TMEM132C: variants seen among roughly 807,000 people sequenced by gnomAD.
TMEM132C encodes the protein transmembrane protein 132C.
TMEM132C carries 29 observed loss-of-function variants against 61.4 expected under a neutral mutation model. The observed-to-expected ratio is 0.47, with a 90% CI of 0.35 to 0.64. The LOEUF (loss-of-function observed/expected upper bound fraction) is 0.64. Among genes scored for constraint, TMEM132C ranks in the 30% least tolerant of loss-of-function variants. The pLI is 0.00. For missense variants in TMEM132C, 1,408 were observed against 1,476.9 expected, an observed-to-expected ratio of 0.95 and a Z score of 0.76; for synonymous variants, 656 against 633.1, an observed-to-expected ratio of 1.04 and a Z score of -0.54.
At chr12:128,445,630 C>T (rs907498676) in intron 2 of TMEM132C, among the ~76,000 whole-genome samples, 1 of 152,170 alleles carries the variant, frequency 6.6e-6, no homozygotes, top group African/African-American at 2.4e-5. Flanking sequence ...GCTGAGCACC[C>T]AGGCGGCTGC....
rs186858404 is a variant in TMEM132C at position 128,290,709 on chromosome 12, A to G, written c.85+23222A>G. On this transcript the variant is annotated intron_variant, in intron 1 of 8. Transcript: ENST00000435159. ...ACTTTAAACATATATGCCCTTTCCA[A>G]ATAAACATAAAAATCCAGAGATTTT... Among the ~76,000 whole-genome samples, 109 of 152,170 alleles carry G rather than the reference A, an allele frequency of 7.2e-4. 1 individual carries two copies. Among genetic ancestry groups the G allele is most frequent in the African/African-American group, 2.6e-3 (106 of 41,520 alleles).
chr12:128,330,413 C>A (rs1872639549), intron 1 of TMEM132C, among the ~76,000 whole-genome samples: 2 of 152,102 alleles, frequency 1.3e-5, no homozygotes, highest in South Asian at 4.1e-4. Context: ...CTAGGGCCGG[C>A]ATAGTGGTGT....
At chr12:128,354,930 CAG>C (rs768348977) in intron 1 of TMEM132C, among the ~76,000 whole-genome samples, 7 of 152,208 alleles carry the variant, frequency 4.6e-5, no homozygotes, top group Non-Finnish European at 1.0e-4. Flanking sequence ...TCACCCAGGT[CAG>C]GGGACAAGTG....
intron 2 of TMEM132C, among the ~76,000 whole-genome samples, chr12:128,422,349 G>A (rs79677703): frequency 0.018 from 2,705 of 152,278 alleles, 35 homozygotes; most frequent in Middle Eastern, 0.048. Context: ...GGTTATTAAC[G>A]TGAAGAACTT....
chr12:128,547,432 C>T (rs531913777), intron 3 of TMEM132C, among the ~76,000 whole-genome samples: 243 of 150,540 alleles, frequency 1.6e-3, no homozygotes, highest in African/African-American at 5.7e-3. Context: ...GGCGTGGTGG[C>T]GGGCAGCTGT....
chr12:128,584,986 C>T (rs1274811130), intron 3 of TMEM132C, among the ~76,000 whole-genome samples: 1 of 152,188 alleles, frequency 6.6e-6, no homozygotes, highest in Non-Finnish European at 1.5e-5. Context: ...TTGGAAAACC[C>T]TTTCACAGGG....
intron 3 of TMEM132C, among the ~76,000 whole-genome samples, chr12:128,590,766 A>T (rs1458311453): frequency 6.6e-6 from 1 of 152,150 alleles, no homozygotes; most frequent in South Asian, 2.1e-4. Context: ...TCAGGCAGAC[A>T]TATGTTCTTC....
At position 128,504,303 on chromosome 12, in the gene TMEM132C, C is replaced by T. The variant is rs115182455; in HGVS notation, c.975-39654C>T. ...TATGCTCTTTTGGCCAAAAGAGTCCCAGAATCCCACCCAGTTTCAAAGGGA... is the reference window on the plus strand; with the variant it reads ...TATGCTCTTTTGGCCAAAAGAGTCCTAGAATCCCACCCAGTTTCAAAGGGA... On this transcript the variant is annotated intron_variant, in intron 2 of 8. Coordinates refer to ENST00000435159, the MANE Select transcript of TMEM132C (RefSeq NM_001136103.3). Among the ~76,000 whole-genome samples, 1,088 of 152,278 alleles carry T rather than the reference C, an allele frequency of 7.1e-3. 12 individuals carry two copies. The highest frequency in any genetic ancestry group is 0.025 in the African/African-American group (1,043 of 41,552).
chr12:128,638,857 G>A lies in TMEM132C; in HGVS notation c.1305+22522G>A, dbSNP rs969373378. 3.0e-4 allele frequency among the ~76,000 whole-genome samples: 44 copies of A among 148,918 alleles called. 2 individuals are homozygous for A. Among genetic ancestry groups the A allele is most frequent in the African/African-American group, 1.1e-3 (44 of 40,430 alleles). ...AGTGATGATGATGATGATGGTGATG[G>A]TGGTGATGAAGAGGAGAATGGTGAT... On this transcript the variant is annotated intron_variant, in intron 4 of 8. Coordinates refer to ENST00000435159, the MANE Select transcript of TMEM132C (RefSeq NM_001136103.3).
chr12:128,695,700 C>G, intron 6 of TMEM132C, 130 bp from the exon 7 acceptor site: 1 of 937,530 alleles, frequency 1.1e-6, no homozygotes, highest in South Asian at 1.8e-5. Flanking sequence ...AGGCTTGGTG[C>G]CCCTTGCATG....
rs566091505 is a variant in TMEM132C, at chr12:128,332,018, A to T, written c.85+64531A>T. Among the ~76,000 whole-genome samples, 3 of 151,876 alleles carry T rather than the reference A, an allele frequency of 2.0e-5. No homozygotes were observed. The East Asian group carries it at 5.8e-4, about 29-fold the overall frequency. ...ATGATAGTTTCAAGCTCAAGCCCTG[A>T]TGACGCCTGTAGGTCTAGCTTATGC... On this transcript the variant is annotated intron_variant, in intron 1 of 8. Transcript: ENST00000435159.
At chr12:128,333,862 G>A (rs1409376848) in intron 1 of TMEM132C, among the ~76,000 whole-genome samples, 14 of 150,748 alleles carry the variant, frequency 9.3e-5, no homozygotes, top group South Asian at 6.3e-4. Context: ...TGTGTGGCTC[G>A]TGTTTATGTG....
chr12:128,398,258 T>TA (rs1875031654), intron 1 of TMEM132C, among the ~76,000 whole-genome samples: 1 of 152,248 alleles, frequency 6.6e-6, no homozygotes, highest in African/African-American at 2.4e-5. Context: ...TAGCTGTACA[T>TA]ACGTGCAAGC....
intron 1 of TMEM132C, among the ~76,000 whole-genome samples, chr12:128,292,118 A>G (rs1276260539): frequency 6.6e-6 from 1 of 152,014 alleles, no homozygotes; most frequent in African/African-American, 2.4e-5. Flanking sequence ...ATCAATTCCT[A>G]TGTTTAAGCC....
intron 1 of TMEM132C, among the ~76,000 whole-genome samples, chr12:128,369,684 T>G (rs1873971947): frequency 2.0e-5 from 3 of 152,250 alleles, no homozygotes; most frequent in Admixed American, 2.0e-4. Flanking sequence ...TCATGGTTTT[T>G]CTTCTCAAGT....
intron 1 of TMEM132C, among the ~76,000 whole-genome samples, chr12:128,366,966 G>T (rs2135977608): frequency 6.6e-6 from 1 of 152,342 alleles, no homozygotes; most frequent in South Asian, 2.1e-4. Flanking sequence ...TGACATGGGA[G>T]TGAGGACCTG....
In TMEM132C at chr12:128,301,457, G is replaced by A. The variant is rs118019266; in HGVS notation, c.85+33970G>A. On this transcript the variant is annotated intron_variant, in intron 1 of 8. Transcript: ENST00000435159. ...TTTATTAGTAGTAGTATTAGTATTA[G>A]CGTTGCCTGCCTGCCTAATAGTTTC... Among the ~76,000 whole-genome samples the A allele has an allele frequency of 3.6e-3, 548 of 152,200 alleles. 6 individuals carry two copies. The highest frequency in any genetic ancestry group is 5.0e-3 in the Non-Finnish European group (340 of 68,018).
chr12:128,415,303 C>T lies in TMEM132C; in HGVS notation c.657C>T (p.Asp219=), dbSNP rs1423410763. 6.3e-7 allele frequency: 1 copy of T among 1,595,324 alleles called. No individual in the cohort carries two copies. The highest frequency in any genetic ancestry group is 8.5e-7 in the Non-Finnish European group (1 of 1,170,522). The stretch of plus-strand genomic sequence containing the variant: ...GTGCCGGGAGGAAGAAGTCCATGGA[C>T]CAGCCGGAGGGGACCCCTGTGGAGC... ...TVGAGRKKSM[D]QPEGTPVELY... Residue 219 remains aspartate, a synonymous_variant, in exon 2 of 9, where the codon GAC becomes GAT. Coordinates refer to ENST00000435159, the MANE Select transcript of TMEM132C (RefSeq NM_001136103.3). This position sits in a 1 kb window ranked among gnomAD's most constrained non-coding sequence, Gnocchi z 5.8.
At chr12:128,402,525 T>C (rs1420993778) in intron 1 of TMEM132C, among the ~76,000 whole-genome samples, 1 of 152,166 alleles carries the variant, frequency 6.6e-6, no homozygotes, top group Non-Finnish European at 1.5e-5. Flanking sequence ...GCTAAGTTTG[T>C]AGTAATTCGT....
Sources: gnomAD v4.1 joint callset for allele counts (sites outside exome capture counted in the v4.1 genomes callset) on GRCh38, gnomAD v4.1.1 for gene constraint, Gnocchi (gnomAD v3.1) non-coding constraint, MANE v1.5 for transcripts, NCBI Gene and HGNC (gene_info 2026-07-23, HGNC 2026-07-21) for gene names.